The following EFCAB11 variants were observed in gnomAD, a reference collection of about 807,000 sequenced individuals.
EFCAB11 encodes the protein EF-hand calcium-binding domain-containing protein 11.
A neutral mutation model predicts 23.0 loss-of-function variants in EFCAB11; 14 were observed. The observed-to-expected ratio is 0.61, with a 90% CI of 0.40 to 0.95. EFCAB11 has a LOEUF of 0.95. Ranked by LOEUF, EFCAB11 falls within the 40% of genes least tolerant of loss-of-function variation. EFCAB11 has a pLI of 0.00. For synonymous variants in EFCAB11, 65 were observed against 66.6 expected (o/e 0.98, Z 0.11); for missense variants, 198 against 195.8 (o/e 1.01, Z -0.07).
At chr14:89,954,357 T>C (rs759226770) in intron 1 of EFCAB11, 11 of 1,535,920 alleles carry the variant, frequency 7.2e-6, no homozygotes, top group Non-Finnish European at 9.6e-6. Flanking sequence ...AAGGTTACCA[T>C]TAATAGACTA....
chr14:89,805,965 G>A (rs1472380402), intron 5 of EFCAB11, among the ~76,000 whole-genome samples: 2 of 152,136 alleles, frequency 1.3e-5, no homozygotes, highest in Admixed American at 6.5e-5. Context: ...CAAGATTCTG[G>A]ATTATTCTCC....
chr14:89,802,975 C>T (rs1772821343), intron 5 of EFCAB11, among the ~76,000 whole-genome samples: 1 of 152,174 alleles, frequency 6.6e-6, no homozygotes, highest in Admixed American at 6.5e-5. Flanking sequence ...AGACAATGCT[C>T]TGATATAGCA....
intron 5 of EFCAB11, among the ~76,000 whole-genome samples, chr14:89,894,683 A>T (rs576731057): frequency 6.6e-6 from 1 of 152,298 alleles, no homozygotes; most frequent in Admixed American, 6.5e-5. Context: ...AAAAGAAATA[A>T]ATGATATAAG....
At chr14:89,809,456 T>C (rs1467951614) in intron 5 of EFCAB11, among the ~76,000 whole-genome samples, 1 of 152,156 alleles carries the variant, frequency 6.6e-6, no homozygotes, top group Non-Finnish European at 1.5e-5. Flanking sequence ...CAGGGCCACA[T>C]CATTGATTAC....
intron 5 of EFCAB11, among the ~76,000 whole-genome samples, chr14:89,834,432 T>C (rs1887004176): frequency 6.7e-6 from 1 of 149,906 alleles, no homozygotes; most frequent in Non-Finnish European, 1.5e-5. Context: ...TAAAGATTTG[T>C]GAGTCTACTT....
chr14:89,847,086 C>T (rs1887452746), intron 5 of EFCAB11, among the ~76,000 whole-genome samples: 1 of 152,236 alleles, frequency 6.6e-6, no homozygotes. Flanking sequence ...TACCAATTTA[C>T]TTCTCAACCC....
intron 5 of EFCAB11, among the ~76,000 whole-genome samples, chr14:89,818,783 G>A (rs1280093764): frequency 6.6e-6 from 1 of 152,074 alleles, no homozygotes; most frequent in Non-Finnish European, 1.5e-5. Context: ...GATATTCAAC[G>A]TCATTAGTCA....
intron 5 of EFCAB11, chr14:89,799,298 C>A (rs1885688472): frequency 6.6e-6 from 1 of 152,166 alleles, no homozygotes; most frequent in Non-Finnish European, 1.5e-5. Flanking sequence ...TGTCTTCTGA[C>A]TTTTCGTCGT....
chr14:89,917,729 G>A (rs752673043), intron 5 of EFCAB11, among the ~76,000 whole-genome samples: 29 of 152,076 alleles, frequency 1.9e-4, no homozygotes, highest in Non-Finnish European at 3.4e-4. Flanking sequence ...TTGCCCTAGG[G>A]GCTTGGTTCT....
At chr14:89,929,637 C>T (rs994139713) in intron 5 of EFCAB11, among the ~76,000 whole-genome samples, 10 of 152,134 alleles carry the variant, frequency 6.6e-5, no homozygotes, top group East Asian at 1.9e-4. Flanking sequence ...CCACCTGCCT[C>T]GGCCTCCCAA....
chr14:89,855,564 T>TA (rs1887727837), intron 5 of EFCAB11, among the ~76,000 whole-genome samples: 1 of 150,496 alleles, frequency 6.6e-6, no homozygotes, highest in African/African-American at 2.5e-5. Context: ...ATGGTTACTA[T>TA]AGCAAAGCAA....
chr14:89,907,434 G>C (rs918247279), intron 5 of EFCAB11, among the ~76,000 whole-genome samples: 12 of 152,280 alleles, frequency 7.9e-5, no homozygotes, highest in Admixed American at 4.6e-4. Flanking sequence ...TTTATCAAAA[G>C]ATTGTATGAC....
At chr14:89,846,922 A>G (rs1275873157) in intron 5 of EFCAB11, among the ~76,000 whole-genome samples, 1 of 151,458 alleles carries the variant, frequency 6.6e-6, no homozygotes, top group African/African-American at 2.4e-5. Context: ...CCTATCTCCT[A>G]AGGAAGGGTC....
At chr14:89,919,662 A>G (rs865925123) in intron 5 of EFCAB11, among the ~76,000 whole-genome samples, 2 of 152,136 alleles carry the variant, frequency 1.3e-5, no homozygotes, top group Non-Finnish European at 2.9e-5. Context: ...GGGAGAGTAA[A>G]GGGTATTAGT....
chr14:89,906,691 T>C (rs1017712182), intron 5 of EFCAB11, among the ~76,000 whole-genome samples: 2 of 152,164 alleles, frequency 1.3e-5, no homozygotes, highest in Non-Finnish European at 2.9e-5. Flanking sequence ...TTGGGGAATA[T>C]GAAAATAAGA....
intron 4 of EFCAB11, 25 bp downstream of exon 4, chr14:89,932,501 A>G (rs774514318): frequency 1.3e-6 from 2 of 1,595,602 alleles, no homozygotes; most frequent in South Asian, 1.1e-5. Flanking sequence ...TTTTTTTTAC[A>G]TCAAAACACT....
intron 5 of EFCAB11, among the ~76,000 whole-genome samples, chr14:89,896,999 T>C (rs780260880): frequency 3.3e-5 from 5 of 152,134 alleles, no homozygotes; most frequent in African/African-American, 7.2e-5. Flanking sequence ...GGTGCTAGTA[T>C]TATAGGCGTG....
intron 5 of EFCAB11, among the ~76,000 whole-genome samples, chr14:89,867,440 G>T (rs747796370): frequency 6.6e-6 from 1 of 152,156 alleles, no homozygotes; most frequent in Non-Finnish European, 1.5e-5. Flanking sequence ...CAGAAATTTA[G>T]AAACAGTATA....
intron 5 of EFCAB11, among the ~76,000 whole-genome samples, chr14:89,892,650 C>T (rs1469145519): frequency 6.6e-6 from 1 of 152,152 alleles, no homozygotes; most frequent in African/African-American, 2.4e-5. Context: ...GCCTGTAATC[C>T]TAGCATTTTC....
Sources: allele counts gnomAD v4.1 joint callset (sites outside exome capture counted in the v4.1 genomes callset), GRCh38; gene constraint gnomAD v4.1.1; transcripts MANE v1.5; gene names NCBI Gene and HGNC (gene_info 2026-07-23, HGNC 2026-07-21).